DZANK1: variants seen among roughly 807,000 people sequenced by gnomAD.
The protein encoded by DZANK1 is double zinc ribbon and ankyrin repeat-containing protein 1.
In DZANK1, 91 loss-of-function variants were observed where a neutral mutation model predicts 94.5. The ratio of observed to expected loss-of-function variants is 0.96; its 90% CI spans 0.81 to 1.15. DZANK1 has a LOEUF of 1.15. DZANK1 is among the 50% of genes most tolerant of loss of function. The pLI is 0.00. For missense variants in DZANK1, 903 were observed against 916.4 expected, an observed-to-expected ratio of 0.99 and a Z score of 0.19; for synonymous variants, 312 against 325.3, an observed-to-expected ratio of 0.96 and a Z score of 0.44.
At chr20:18,451,947 T>C (rs1224367116) in intron 6 of DZANK1, 1 of 518,646 alleles carries the variant, frequency 1.9e-6, no homozygotes, top group Admixed American at 1.9e-5. Flanking sequence ...TAAATGTAAA[T>C]GGGACTGTGT....
At chr20:18,445,216 G>C (rs1337438251) in intron 7 of DZANK1, among the ~76,000 whole-genome samples, 1 of 152,160 alleles carries the variant, frequency 6.6e-6, no homozygotes, top group African/African-American at 2.4e-5. Flanking sequence ...AGGTTTCTGA[G>C]CAAAGAATAT....
chr20:18,450,602 C>G (rs1427612886), intron 6 of DZANK1, among the ~76,000 whole-genome samples: 1 of 152,210 alleles, frequency 6.6e-6, no homozygotes, highest in African/African-American at 2.4e-5. Flanking sequence ...TTGGATGTAG[C>G]AACACTGAGC....
chr20:18,462,611 T>G (rs2059507493), intron 2 of DZANK1, among the ~76,000 whole-genome samples: 1 of 151,954 alleles, frequency 6.6e-6, no homozygotes, highest in Non-Finnish European at 1.5e-5. Flanking sequence ...AACTAACAGA[T>G]GTTGCAGAGA....
intron 10 of DZANK1, chr20:18,420,724 G>C: frequency 5.6e-6 from 1 of 177,638 alleles, no homozygotes; most frequent in South Asian, 1.2e-4. Context: ...TCTTGGCTTT[G>C]AGACTGTCTT....
chr20:18,462,369 G>A (rs568399276), intron 2 of DZANK1, among the ~76,000 whole-genome samples: 12 of 152,210 alleles, frequency 7.9e-5, no homozygotes, highest in African/African-American at 1.4e-4. Context: ...GCAAGCAGAC[G>A]AAGGGGCAGA....
chr20:18,407,666 AAATTCAAGATAACACAGAAAAGG>A lies in DZANK1; in HGVS notation c.1432+4957_1432+4979del, dbSNP rs1460162570. ...ATAGCTGTTTTAAGGAAACTCAAAG[AAATTCAAGATAACACAGAAAAGG>A]AATTCAGAATTCTGTCAGATAAATT... On this transcript the variant is annotated intron_variant, in intron 13 of 20. Transcript: ENST00000262547. Among the ~76,000 whole-genome samples the A allele has an allele frequency of 5.3e-5, 8 of 152,362 alleles. No individual in the cohort carries two copies. In the East Asian group the frequency reaches 9.6e-4, roughly 18 times the overall value.
chr20:18,465,328 T>A, exon 2 of DZANK1: 1 of 1,609,290 alleles, frequency 6.2e-7, no homozygotes, highest in East Asian at 2.2e-5. Context: ...AATGGTATGA[T>A]CTGAGGGACA....
intron 19 of DZANK1, among the ~76,000 whole-genome samples, chr20:18,388,506 T>G (rs747498894): frequency 6.6e-6 from 1 of 152,236 alleles, no homozygotes; most frequent in Non-Finnish European, 1.5e-5. Flanking sequence ...TCAAGTAATT[T>G]CTGTATCAAC....
intron 8 of DZANK1, among the ~76,000 whole-genome samples, chr20:18,436,156 G>A (rs2058512277): frequency 6.6e-6 from 1 of 152,154 alleles, no homozygotes. Flanking sequence ...AAGAACTAAA[G>A]GAAACCACAT....
intron 9 of DZANK1, among the ~76,000 whole-genome samples, chr20:18,430,540 T>A (rs2058240367): frequency 6.6e-6 from 1 of 152,208 alleles, no homozygotes; most frequent in African/African-American, 2.4e-5. Flanking sequence ...GGAGGCCAGG[T>A]GCGGTGGCCC....
rs148989776 is a variant in DZANK1, at chr20:18,424,614, T to C, written c.954+2453A>G. ...AATATATGAATGTATACCACTTCTG[T>C]TCCTACCAGCAATATATGAAGGTTC... On this transcript the variant is annotated intron_variant, in intron 10 of 20. Coordinates refer to ENST00000262547, the Ensembl canonical transcript of DZANK1. 9.2e-3 allele frequency among the ~76,000 whole-genome samples: 1,400 copies of C among 152,302 alleles called. 15 individuals are homozygous for C. Among genetic ancestry groups the C allele is most frequent in the South Asian group, 0.018 (85 of 4,828 alleles).
chr20:18,437,353 C>T lies in DZANK1; in HGVS notation c.748-3588G>A, dbSNP rs561928104. On this transcript the variant is annotated intron_variant, in intron 8 of 20. Coordinates refer to ENST00000262547, the Ensembl canonical transcript of DZANK1. ...CAGCACTTTGGGAGGCCAAGGCAGG[C>T]GGATCACTTGAGGTCAGGAGTTCAA... Among the ~76,000 whole-genome samples, 6 of 152,100 alleles carry T rather than the reference C, an allele frequency of 3.9e-5. No individual in the cohort carries two copies. The South Asian group carries it at 6.2e-4, about 16-fold the overall frequency.
At chr20:18,421,271 G>A (rs548252718) in intron 10 of DZANK1, 4 of 175,238 alleles carry the variant, frequency 2.3e-5, no homozygotes, top group South Asian at 1.7e-4. Flanking sequence ...CATCCCCCCC[G>A]TAAAACTTTG....
At chr20:18,438,356 T>C (rs183241428) in intron 8 of DZANK1, among the ~76,000 whole-genome samples, 4 of 151,260 alleles carry the variant, frequency 2.6e-5, no homozygotes, top group East Asian at 3.9e-4. Flanking sequence ...TGACATTAAA[T>C]AGGAATTGAC....
exon 21 of DZANK1, chr20:18,384,350 T>C (rs775613906): frequency 6.5e-7 from 1 of 1,546,804 alleles, no homozygotes; most frequent in South Asian, 1.3e-5. Flanking sequence ...TAAGCCACTG[T>C]GCCAGCCATG....
chr20:18,414,451 G>A, exon 12 of DZANK1: 1 of 1,613,778 alleles, frequency 6.2e-7, no homozygotes. Context: ...ACAGAATCGG[G>A]CAGACAGGTG....
rs36222644 is a variant in DZANK1 at position 18,442,969 on chromosome 20, GGATATATA to G, written c.747+370_747+377del. 2.4e-3 allele frequency among the ~76,000 whole-genome samples: 365 copies of G among 152,180 alleles called. 6 individuals carry two copies. The highest frequency in any genetic ancestry group is 0.02 in the Admixed American group (307 of 15,292). The stretch of plus-strand genomic sequence containing the variant: ...CTTTGGACAGAATGATGCATCTTAT[GGATATATA>G]GATATATAGAGACATAAAGTAATTG... On this transcript the variant is annotated intron_variant, in intron 8 of 20. Transcript: ENST00000262547.
chr20:18,465,393 C>A lies in DZANK1; in HGVS notation c.-19-16G>T. The A allele has an allele frequency of 1.8e-6, 2 of 1,104,752 alleles. No homozygotes were observed. The highest frequency in any genetic ancestry group is 1.2e-6 in the Non-Finnish European group (1 of 849,032). 68.4% of individuals were successfully genotyped at this position (1,104,752 alleles called of 1,614,324 possible). On this transcript the variant is annotated splice_polypyrimidine_tract_variant and intron_variant, in intron 1 of 20. Coordinates refer to ENST00000262547, the Ensembl canonical transcript of DZANK1. ...CTCTCTCTCTCTCTATATATATATA[C>A]ATATAAATTCCAATGTACACAAAAG...
intron 8 of DZANK1, among the ~76,000 whole-genome samples, chr20:18,435,252 A>G (rs1159725926): frequency 6.6e-6 from 1 of 152,214 alleles, no homozygotes; most frequent in African/African-American, 2.4e-5. Context: ...ACACTAAGAT[A>G]TGCTGACCCA....
Sources: gnomAD v4.1 joint callset for allele counts (sites outside exome capture counted in the v4.1 genomes callset) on GRCh38, gnomAD v4.1.1 for gene constraint, MANE v1.5 for transcripts, NCBI Gene and HGNC (gene_info 2026-07-23, HGNC 2026-07-21) for gene names.